RTN4RL1: variants seen among roughly 807,000 people sequenced by gnomAD.
RTN4RL1 encodes reticulon 4 receptor like 1, also known as reticulon-4 receptor-like 1.
RTN4RL1 carries 7 observed loss-of-function variants against 25.6 expected under a neutral mutation model. The ratio of observed to expected loss-of-function variants is 0.27; its 90% CI spans 0.16 to 0.51. RTN4RL1 has a LOEUF of 0.51. Ranked by LOEUF, RTN4RL1 falls within the 20% of genes least tolerant of loss-of-function variation. The pLI, the probability that RTN4RL1 is intolerant of heterozygous loss-of-function variation, is 0.97. For synonymous variants in RTN4RL1, 297 were observed against 288.2 expected (o/e 1.03, Z -0.31); for missense variants, 500 against 615.6 (o/e 0.81, Z 1.99).
chr17:1,978,381 A>G (rs755874641), intron 1 of RTN4RL1, among the ~76,000 whole-genome samples: 66 of 152,206 alleles, frequency 4.3e-4, no homozygotes, highest in Non-Finnish European at 7.6e-4. Flanking sequence ...TGGGCCACAC[A>G]TACACCTTCT....
At chr17:2,002,004 ATTT>A (rs11457997) in intron 1 of RTN4RL1, among the ~76,000 whole-genome samples, 1 of 145,828 alleles carries the variant, frequency 6.9e-6, no homozygotes. Context: ...TGCTTAAAGG[ATTT>A]TTTTTTTTTG....
intron 1 of RTN4RL1, chr17:2,020,120 A>T (rs1237828130): frequency 2.6e-5 from 4 of 152,120 alleles, no homozygotes; most frequent in Admixed American, 1.3e-4. Flanking sequence ...TTTTGGTGAG[A>T]TTGGTTCCAC....
chr17:1,982,141 A>C (rs2066869740), intron 1 of RTN4RL1, among the ~76,000 whole-genome samples: 1 of 151,700 alleles, frequency 6.6e-6, no homozygotes, highest in Non-Finnish European at 1.5e-5. Context: ...CTCTGCTAAA[A>C]ACTACAAAAA....
chr17:1,960,927 G>A (rs769993131), intron 1 of RTN4RL1, among the ~76,000 whole-genome samples: 8 of 152,230 alleles, frequency 5.3e-5, no homozygotes, highest in South Asian at 2.1e-4. Flanking sequence ...GTCTCCAGCC[G>A]ATGCCCACGG....
At position 1,995,418 on chromosome 17, in the gene RTN4RL1, C is replaced by G. The variant is rs773213728; in HGVS notation, c.13+29435G>C. Among the ~76,000 whole-genome samples the G allele has an allele frequency of 1.3e-3, 187 of 144,030 alleles. 1 individual carries two copies. The highest frequency in any genetic ancestry group is 7.4e-3 in the Middle Eastern group (2 of 272). 94.5% of individuals were successfully genotyped at this position (144,030 alleles called of 152,430 possible). On this transcript the variant is annotated intron_variant, in intron 1 of 1. Coordinates refer to ENST00000331238, the MANE Select transcript of RTN4RL1 (RefSeq NM_178568.4). ...TACAGCCTGGGTGACAAGAGTGAAA[C>G]TCTGTCTCAAAAAAAAAAAAAAAAA... is the stretch of plus-strand genomic sequence containing the variant.
chr17:1,984,704 C>T lies in RTN4RL1; in HGVS notation c.13+40149G>A, dbSNP rs1289877325. Among the ~76,000 whole-genome samples, 11 of 152,256 alleles carry T rather than the reference C, an allele frequency of 7.2e-5. No individual in the cohort carries two copies. In the East Asian group the frequency reaches 1.2e-3, roughly 16 times the overall value. ...CAGGAGAGCCGGGCGCCGTGGCTCA[C>T]GCCTGTAATCCCAGCACTTCGGGAG... is the stretch of plus-strand genomic sequence containing the variant. On this transcript the variant is annotated intron_variant, in intron 1 of 1. Transcript: ENST00000331238.
In RTN4RL1 at chr17:1,936,720, C is replaced by A; in HGVS notation, c.1102G>T (p.Ala368Ser). Residue 368 changes from alanine (A) to serine (S), a missense_variant, in exon 2 of 2, where the codon GCG becomes TCG. Physicochemically the swap from Ala to Ser is moderately conservative, Grantham distance 99. Transcript: ENST00000331238. ...TCGGGGGCCTGTTTCCCGGCGCCCG[C>A]CTTAGAGATCTGATTGCGGTTCCTG... ...NPRNRNQISK[A>S]GAGKQAPELP... 6.3e-7 allele frequency: 1 copy of A among 1,590,104 alleles called. No individual in the cohort carries two copies. The highest frequency in any genetic ancestry group is 1.2e-5 in the South Asian group (1 of 86,928).
intron 1 of RTN4RL1, among the ~76,000 whole-genome samples, chr17:1,960,127 C>T (rs1041075074): frequency 6.6e-6 from 1 of 152,062 alleles, no homozygotes; most frequent in Non-Finnish European, 1.5e-5. Flanking sequence ...TTCCTTTAAT[C>T]CACTAAGTCC....
intron 1 of RTN4RL1, among the ~76,000 whole-genome samples, chr17:1,948,548 GACAGGCAGACAGGCAGAC>G (rs1222050718): frequency 6.6e-6 from 1 of 151,396 alleles, no homozygotes; most frequent in South Asian, 2.1e-4. Context: ...CGGACAGGCA[GACAGGCAGACAGGCAGAC>G]ACAGGCAGAC....
At chr17:1,997,866 C>G (rs1047137731) in intron 1 of RTN4RL1, among the ~76,000 whole-genome samples, 2 of 152,230 alleles carry the variant, frequency 1.3e-5, no homozygotes, top group African/African-American at 4.8e-5. Context: ...CCGACCCCAG[C>G]TGACGCCCTC....
intron 1 of RTN4RL1, among the ~76,000 whole-genome samples, chr17:1,986,792 AG>A (rs1455662761): frequency 1.3e-5 from 2 of 151,534 alleles, no homozygotes; most frequent in African/African-American, 2.4e-5. Context: ...GCCAGGAGTC[AG>A]GTCCGGCAGG....
At chr17:2,006,199 C>G (rs2066994333) in intron 1 of RTN4RL1, among the ~76,000 whole-genome samples, 1 of 151,318 alleles carries the variant, frequency 6.6e-6, no homozygotes, top group African/African-American at 2.4e-5. Context: ...GCTCTGTGGC[C>G]CAGGCTGGAG....
intron 1 of RTN4RL1, among the ~76,000 whole-genome samples, chr17:2,016,135 C>A (rs112388790): frequency 0.012 from 1,795 of 152,298 alleles, 32 homozygotes; most frequent in African/African-American, 0.041. Flanking sequence ...AATCCCAGCA[C>A]TTTGGGAGGC....
chr17:2,023,344 A>G (rs2067233776), intron 1 of RTN4RL1, among the ~76,000 whole-genome samples: 1 of 152,192 alleles, frequency 6.6e-6, no homozygotes, highest in Non-Finnish European at 1.5e-5. Context: ...TGCAGGGAAA[A>G]GGAGAACCTG....
At chr17:1,986,409 A>T (rs1285381226) in intron 1 of RTN4RL1, among the ~76,000 whole-genome samples, 2 of 152,120 alleles carry the variant, frequency 1.3e-5, no homozygotes, top group Non-Finnish European at 2.9e-5. Context: ...ATATCCCTGG[A>T]GCCTGTGACC....
Position 2,024,843 on chromosome 17 carries a change from T to C in RTN4RL1, c.13+10A>G. On this transcript the variant is annotated intron_variant, in intron 1 of 1. Transcript: ENST00000331238. ...TTCAACTTCAACTTGCCCCTGCGGCTCCAACTCACCTTTGCGAAGCATGTT... is the reference window on the plus strand; with the variant it reads ...TTCAACTTCAACTTGCCCCTGCGGCCCCAACTCACCTTTGCGAAGCATGTT... 6.3e-7 allele frequency: 1 copy of C among 1,578,772 alleles called. No homozygotes were observed. The highest frequency in any genetic ancestry group is 8.6e-7 in the Non-Finnish European group (1 of 1,163,314).
At chr17:2,018,883 A>T (rs2067162198) in intron 1 of RTN4RL1, 1 of 152,326 alleles carries the variant, frequency 6.6e-6, no homozygotes, top group African/African-American at 2.4e-5. Context: ...GTGGACAGTG[A>T]CGGGCAGGTG....
intron 1 of RTN4RL1, among the ~76,000 whole-genome samples, chr17:2,011,182 C>T (rs985470128): frequency 1.3e-5 from 2 of 152,090 alleles, no homozygotes; most frequent in African/African-American, 2.4e-5. Flanking sequence ...ACCTGGGAGG[C>T]GGAGGTTGCT....
intron 1 of RTN4RL1, among the ~76,000 whole-genome samples, chr17:1,970,745 TGGCTCCCCTGCCCCCA>T (rs751721984): frequency 4.3e-4 from 65 of 152,322 alleles, no homozygotes; most frequent in Admixed American, 1.4e-3. Flanking sequence ...GGCTCCACAC[TGGCTCCCCTGCCCCCA>T]GGCTCCTACC....
Sources: gnomAD v4.1 joint callset for allele counts (sites outside exome capture counted in the v4.1 genomes callset) on GRCh38, gnomAD v4.1.1 for gene constraint, MANE v1.5 for transcripts, NCBI Gene and HGNC (gene_info 2026-07-23, HGNC 2026-07-21) for gene names.